CNTN4: variants seen among roughly 807,000 people sequenced by gnomAD.
CNTN4 encodes contactin-4.
In CNTN4, 77 loss-of-function variants were observed where a neutral mutation model predicts 122.5. The ratio of observed to expected loss-of-function variants is 0.63; its 90% CI spans 0.52 to 0.76. The LOEUF is 0.76. Ranked by LOEUF, CNTN4 falls within the 30% of genes least tolerant of loss-of-function variation. The pLI is 0.00. For synonymous variants in CNTN4, 512 were observed against 447.0 expected, an observed-to-expected ratio of 1.15 and a Z score of -1.83; for missense variants, 1,256 against 1,259.1, an observed-to-expected ratio of 1.00 and a Z score of 0.04.
At chr3:2,324,561 C>A (rs2043386103) in intron 2 of CNTN4, among the ~76,000 whole-genome samples, 1 of 152,046 alleles carries the variant, frequency 6.6e-6, no homozygotes, top group African/African-American at 2.4e-5. Context: ...GAGATTTGAA[C>A]AATTCCCCTG....
intron 3 of CNTN4, among the ~76,000 whole-genome samples, chr3:2,493,830 T>C (rs962517243): frequency 2.0e-5 from 3 of 152,182 alleles, no homozygotes; most frequent in African/African-American, 4.8e-5. Context: ...GGAATTGTGC[T>C]GTCATCCTCT....
intron 3 of CNTN4, among the ~76,000 whole-genome samples, chr3:2,339,572 A>C (rs191339158): frequency 1.3e-5 from 2 of 152,210 alleles, no homozygotes; most frequent in Non-Finnish European, 2.9e-5. Flanking sequence ...AAATGGTTTC[A>C]TAGGAGAGGA....
At chr3:2,826,035 A>T (rs1259175483) in intron 7 of CNTN4, among the ~76,000 whole-genome samples, 1 of 152,208 alleles carries the variant, frequency 6.6e-6, no homozygotes, top group East Asian at 1.9e-4. Flanking sequence ...ATAATCCCAT[A>T]AGAAGTAAGG....
At chr3:2,586,902 C>T (rs545719137) in intron 4 of CNTN4, among the ~76,000 whole-genome samples, 3 of 152,298 alleles carry the variant, frequency 2.0e-5, no homozygotes, top group Non-Finnish European at 4.4e-5. Flanking sequence ...CATTATGTCT[C>T]CTCCTGACCT....
chr3:2,859,538 G>GT (rs34103613), intron 7 of CNTN4, among the ~76,000 whole-genome samples: 23,865 of 146,148 alleles, frequency 0.16, 1,940 homozygotes, highest in Middle Eastern at 0.26. Context: ...TGCTTTCCTG[G>GT]TTTTTTTTTT....
chr3:2,672,816 T>A (rs931151349), intron 4 of CNTN4, among the ~76,000 whole-genome samples: 2 of 152,220 alleles, frequency 1.3e-5, no homozygotes, highest in African/African-American at 4.8e-5. Flanking sequence ...TGAAATTCAT[T>A]AACTAGTTTA....
chr3:2,332,688 A>T (rs1021443868), intron 2 of CNTN4, among the ~76,000 whole-genome samples: 3 of 132,550 alleles, frequency 2.3e-5, no homozygotes, highest in Non-Finnish European at 4.7e-5. Context: ...ACATGGACAC[A>T]GGAAGGGTAA....
At chr3:2,541,341 C>T (rs766004386) in intron 3 of CNTN4, among the ~76,000 whole-genome samples, 1 of 151,958 alleles carries the variant, frequency 6.6e-6, no homozygotes, top group Non-Finnish European at 1.5e-5. Flanking sequence ...AGCATATAGT[C>T]GTTTATGTAT....
In CNTN4 at chr3:3,026,241, T is replaced by C. The variant is rs747406747; in HGVS notation, c.1626T>C (p.Phe542=). The change falls in exon 15 of 25, where the codon TTT becomes TTC. Residue 542 remains phenylalanine (F), a synonymous_variant. Coordinates refer to ENST00000418658, the MANE Select transcript of CNTN4 (RefSeq NM_175607.3). ...TWSFNGHLID[F]DRDGDHFERV... is the part of the protein sequence containing the mutation. ...CATTTAATGGACACCTGATAGACTT[T>C]GACAGAGATGGGGACCACTTTGAAA... is the stretch of plus-strand genomic sequence containing the variant. 6.2e-7 allele frequency: 1 copy of C among 1,613,516 alleles called. No individual in the cohort carries two copies.
intron 6 of CNTN4, among the ~76,000 whole-genome samples, chr3:2,767,716 T>A (rs1236221738): frequency 6.6e-6 from 1 of 152,170 alleles, no homozygotes; most frequent in Non-Finnish European, 1.5e-5. Context: ...TGTCTCAGAT[T>A]TTCTCTATGA....
intron 3 of CNTN4, among the ~76,000 whole-genome samples, chr3:2,499,523 AT>A (rs2076540428): frequency 6.6e-6 from 1 of 151,978 alleles, no homozygotes; most frequent in African/African-American, 2.4e-5. Context: ...TAAAACTGTT[AT>A]TTTTTTAAAA....
intron 2 of CNTN4, among the ~76,000 whole-genome samples, chr3:2,142,918 G>A (rs1356942807): frequency 6.6e-6 from 1 of 152,196 alleles, no homozygotes; most frequent in Non-Finnish European, 1.5e-5. Context: ...GCAATTGCCA[G>A]GCAATGACAG....
intron 6 of CNTN4, among the ~76,000 whole-genome samples, chr3:2,789,649 T>G (rs1436496869): frequency 2.0e-5 from 3 of 152,222 alleles, no homozygotes; most frequent in Non-Finnish European, 4.4e-5. Flanking sequence ...CAGGCTGGTC[T>G]GAAACTCCTG....
At chr3:2,859,719 T>C (rs1381297289) in intron 7 of CNTN4, among the ~76,000 whole-genome samples, 1 of 152,204 alleles carries the variant, frequency 6.6e-6, no homozygotes, top group Admixed American at 6.5e-5. Flanking sequence ...TTGAAGCCTT[T>C]CCATTTGCCT....
At chr3:2,180,259 T>G (rs557392367) in intron 2 of CNTN4, among the ~76,000 whole-genome samples, 82 of 152,190 alleles carry the variant, frequency 5.4e-4, no homozygotes, top group African/African-American at 1.8e-3. Context: ...ATTAAGGGAC[T>G]GCTTTACTAG....
chr3:2,894,644 A>T (rs2151076554), intron 10 of CNTN4, among the ~76,000 whole-genome samples: 1 of 152,226 alleles, frequency 6.6e-6, no homozygotes, highest in Middle Eastern at 3.4e-3. Flanking sequence ...AGAGAAGGGG[A>T]TGGATTCAGC....
At chr3:2,858,049 G>A (rs1395917300) in intron 7 of CNTN4, among the ~76,000 whole-genome samples, 4 of 152,186 alleles carry the variant, frequency 2.6e-5, no homozygotes, top group African/African-American at 9.7e-5. Context: ...TATGGAGTAG[G>A]GAATGGTAGA....
At chr3:2,856,713 A>G (rs2093622255) in intron 7 of CNTN4, among the ~76,000 whole-genome samples, 1 of 152,164 alleles carries the variant, frequency 6.6e-6, no homozygotes, top group Non-Finnish European at 1.5e-5. Flanking sequence ...GCCCTTACTC[A>G]GCCTCCCTAA....
chr3:2,259,241 C>T (rs755511065), intron 2 of CNTN4, among the ~76,000 whole-genome samples: 3 of 152,064 alleles, frequency 2.0e-5, no homozygotes, highest in Non-Finnish European at 4.4e-5. Context: ...AATCTGCTAA[C>T]CAATCAACAA....
Sources: gnomAD v4.1 joint callset for allele counts (sites outside exome capture counted in the v4.1 genomes callset) on GRCh38, gnomAD v4.1.1 for gene constraint, MANE v1.5 for transcripts, NCBI Gene and HGNC (gene_info 2026-07-23, HGNC 2026-07-21) for gene names.